The following CLIC4 variants were observed in gnomAD, a reference collection of about 807,000 sequenced individuals.
CLIC4 encodes chloride intracellular channel protein 4.
In CLIC4, 13 loss-of-function variants were observed where a neutral mutation model predicts 24.6. The observed-to-expected ratio is 0.53, with a 90% CI of 0.34 to 0.84. The LOEUF is 0.84. CLIC4 is among the 40% of genes least tolerant of loss of function. The pLI is 0.01. For missense variants in CLIC4, 227 were observed against 301.7 expected (o/e 0.75, Z 1.83); for synonymous variants, 104 against 111.3 (o/e 0.93, Z 0.41).
intron 1 of CLIC4, among the ~76,000 whole-genome samples, chr1:24,796,424 T>C (rs2124130145): frequency 6.6e-6 from 1 of 152,284 alleles, no homozygotes; most frequent in Middle Eastern, 3.4e-3. Context: ...CCTGACCTCG[T>C]GATCTGCCCT....
intron 1 of CLIC4, among the ~76,000 whole-genome samples, chr1:24,769,058 T>A (rs1639041990): frequency 6.6e-6 from 1 of 151,468 alleles, no homozygotes; most frequent in Non-Finnish European, 1.5e-5. Context: ...AGCAGGAGAT[T>A]GAGGCTGTAG....
rs1212033050 is a variant in CLIC4, at chr1:24,820,067, G to GTGTGTATATA, written c.308+5849_308+5850insGTGTATATAT. 5.5e-3 allele frequency among the ~76,000 whole-genome samples: 200 copies of GTGTGTATATA among 36,460 alleles called. 22 individuals carry two copies. In the East Asian group the frequency reaches 0.073, roughly 13 times the overall value. 23.9% of individuals were successfully genotyped at this position (36,460 alleles called of 152,430 possible). A position where few individuals can be genotyped will look rare whatever the true frequency, so the allele number is the denominator to read the frequency against. Reference sequence around the variant, plus strand: ...TACTTCAAAAAAAAAAAAAAAGTATGTATATATATATGTATATATATATAT... The same window carrying GTGTGTATATA: ...TACTTCAAAAAAAAAAAAAAAGTATGTGTGTATATATATATATATATGTATATATATATAT... On this transcript the variant is annotated intron_variant, in intron 3 of 5. Coordinates refer to ENST00000374379, the MANE Select transcript of CLIC4 (RefSeq NM_013943.3).
intron 1 of CLIC4, among the ~76,000 whole-genome samples, chr1:24,789,481 G>T (rs760511380): frequency 6.6e-6 from 1 of 152,192 alleles, no homozygotes; most frequent in Non-Finnish European, 1.5e-5. Context: ...TCGCGCCATT[G>T]CATTCCAGCC....
intron 3 of CLIC4, among the ~76,000 whole-genome samples, chr1:24,818,021 CA>C (rs1236035395): frequency 6.6e-6 from 1 of 152,088 alleles, no homozygotes; most frequent in East Asian, 1.9e-4. Context: ...AGAGTAACAT[CA>C]GAGATCACTA....
rs997449549 is a variant in CLIC4, at chr1:24,756,061, G to A, written c.72+10436G>A. Among the ~76,000 whole-genome samples the A allele has an allele frequency of 7.5e-5, 11 of 147,582 alleles. No individual in the cohort carries two copies. In the East Asian group the frequency reaches 2.2e-3, roughly 29 times the overall value. Reference sequence around the variant, plus strand: ...GTCGCCCAGGCTGGAGTGCAGTGACGCGATCTCTGCTCACTGCAAGCTCCG... The same window carrying A: ...GTCGCCCAGGCTGGAGTGCAGTGACACGATCTCTGCTCACTGCAAGCTCCG... On this transcript the variant is annotated intron_variant, in intron 1 of 5. Coordinates refer to ENST00000374379, the MANE Select transcript of CLIC4 (RefSeq NM_013943.3).
At chr1:24,804,442 G>T (rs1313195066) in intron 2 of CLIC4, among the ~76,000 whole-genome samples, 1 of 81,944 alleles carries the variant, frequency 1.2e-5, no homozygotes, top group Non-Finnish European at 2.4e-5. Flanking sequence ...GGGTGTGTGT[G>T]TATGTGTGGG....
intron 1 of CLIC4, among the ~76,000 whole-genome samples, chr1:24,747,680 A>G (rs116761732): frequency 0.014 from 2,065 of 152,284 alleles, 51 homozygotes; most frequent in African/African-American, 0.047. Flanking sequence ...AAAAAAGTGC[A>G]TCCATGAATA....
chr1:24,787,697 G>A (rs1557802691), intron 1 of CLIC4, among the ~76,000 whole-genome samples: 1 of 150,918 alleles, frequency 6.6e-6, no homozygotes, highest in African/African-American at 2.4e-5. Context: ...CACCACGCCA[G>A]GCTAATTTTT....
chr1:24,808,917 A>G (rs757200529), intron 2 of CLIC4, among the ~76,000 whole-genome samples: 1 of 152,074 alleles, frequency 6.6e-6, no homozygotes, highest in Non-Finnish European at 1.5e-5. Context: ...ACCTCAAGTG[A>G]TCTGCATGCC....
intron 2 of CLIC4, among the ~76,000 whole-genome samples, chr1:24,799,586 C>G (rs4644441): frequency 1.2e-4 from 17 of 142,630 alleles, no homozygotes; most frequent in East Asian, 8.6e-4. Context: ...GCCGCCCCGT[C>G]GGGGAGGGAG....
chr1:24,826,235 C>T (rs572925552), intron 3 of CLIC4, among the ~76,000 whole-genome samples: 4 of 152,306 alleles, frequency 2.6e-5, no homozygotes, highest in Admixed American at 2.0e-4. Context: ...TCTGACATCT[C>T]ATTTTGTTGT....
chr1:24,749,440 C>G (rs1373091329), intron 1 of CLIC4, among the ~76,000 whole-genome samples: 1 of 152,132 alleles, frequency 6.6e-6, no homozygotes, highest in Non-Finnish European at 1.5e-5. Context: ...ACCTGTCTAG[C>G]TAGCACTGAG....
chr1:24,824,392 T>A (rs980455040), intron 3 of CLIC4, among the ~76,000 whole-genome samples: 4 of 152,152 alleles, frequency 2.6e-5, no homozygotes, highest in African/African-American at 7.2e-5. Context: ...CTCAGACTCC[T>A]GAGAAGCTGG....
chr1:24,836,779 A>G (rs997608268), intron 4 of CLIC4, among the ~76,000 whole-genome samples: 1 of 152,220 alleles, frequency 6.6e-6, no homozygotes, highest in Non-Finnish European at 1.5e-5. Context: ...TCGAGGTTGC[A>G]GTGAGCCGAG....
At chr1:24,804,540 TGTGGGTGGGTGGGGGGATGTGTGTAC>T (rs1367349705) in intron 2 of CLIC4, among the ~76,000 whole-genome samples, 213 of 11,834 alleles carry the variant, frequency 0.018, 2 homozygotes, top group African/African-American at 0.08. Context: ...GATGTGTGTA[TGTGGGTGGGTGGGGGGATGTGTGTAC>T]GTGGGTGGGT....
At chr1:24,760,141 G>T (rs954863975) in intron 1 of CLIC4, among the ~76,000 whole-genome samples, 1 of 152,262 alleles carries the variant, frequency 6.6e-6, no homozygotes, top group Admixed American at 6.5e-5. Flanking sequence ...TGAGGCAGGT[G>T]GATCAGTTGA....
chr1:24,801,536 G>A (rs1248878654), intron 2 of CLIC4, among the ~76,000 whole-genome samples: 1 of 152,140 alleles, frequency 6.6e-6, no homozygotes, highest in African/African-American at 2.4e-5. Flanking sequence ...TGAGATTTGG[G>A]CAAGGACAGA....
intron 3 of CLIC4, among the ~76,000 whole-genome samples, chr1:24,824,456 CAG>C (rs1639767130): frequency 2.0e-5 from 3 of 151,972 alleles, no homozygotes; most frequent in Admixed American, 2.0e-4. Flanking sequence ...TTAGTGGAGA[CAG>C]AGTTTTGCCA....
chr1:24,816,696 T>G (rs574005249), intron 3 of CLIC4, among the ~76,000 whole-genome samples: 1 of 152,342 alleles, frequency 6.6e-6, no homozygotes, highest in South Asian at 2.1e-4. Flanking sequence ...GACTGCAGAA[T>G]GGATGTTGTG....
Sources: gnomAD v4.1 joint callset for allele counts (sites outside exome capture counted in the v4.1 genomes callset) on GRCh38, gnomAD v4.1.1 for gene constraint, MANE v1.5 for transcripts, NCBI Gene and HGNC (gene_info 2026-07-23, HGNC 2026-07-21) for gene names.